Variants in SORCS2 observed in about 807,000 individuals in gnomAD.
SORCS2 encodes the protein sortilin related VPS10 domain containing receptor 2, also known as VPS10 domain-containing receptor SorCS2.
Under a neutral mutation model 141.6 loss-of-function variants are expected in SORCS2, and 100 were observed. That is an observed-to-expected ratio of 0.71 (90% confidence interval 0.60 to 0.83). The LOEUF (loss-of-function observed/expected upper bound fraction) is 0.83. Ranked by LOEUF, SORCS2 falls within the 40% of genes least tolerant of loss-of-function variation. SORCS2 has a pLI of 0.00. For missense variants in SORCS2, 1,646 were observed against 1,560.2 expected (o/e 1.05, Z -0.93); for synonymous variants, 789 against 676.9 (o/e 1.17, Z -2.57).
chr4:7,552,521 G>C (rs766240912), intron 3 of SORCS2, among the ~76,000 whole-genome samples: 13 of 151,996 alleles, frequency 8.6e-5, no homozygotes, highest in Non-Finnish European at 1.9e-4. Context: ...TGAAGGCAGA[G>C]CATAAAATAA....
intron 3 of SORCS2, among the ~76,000 whole-genome samples, chr4:7,544,109 C>T (rs930829726): frequency 2.9e-4 from 44 of 151,748 alleles, no homozygotes; most frequent in South Asian, 1.0e-3. Context: ...TGCATCCACC[C>T]ATCCATCCAC....
chr4:7,643,086 G>A (rs1481994237), intron 4 of SORCS2, among the ~76,000 whole-genome samples: 1 of 152,158 alleles, frequency 6.6e-6, no homozygotes. Flanking sequence ...CCTGCCTCCA[G>A]CAAACACCTA....
chr4:7,657,020 G>T (rs1282577730), intron 5 of SORCS2, among the ~76,000 whole-genome samples: 1 of 152,226 alleles, frequency 6.6e-6, no homozygotes, highest in African/African-American at 2.4e-5. Flanking sequence ...TGTCAGGCTT[G>T]CCATTTCCTG....
intron 2 of SORCS2, among the ~76,000 whole-genome samples, chr4:7,508,004 C>A (rs75757938): frequency 1.0e-5 from 1 of 99,496 alleles, no homozygotes; most frequent in Non-Finnish European, 2.1e-5. Context: ...AAAAACACTA[C>A]AAAAATCAGT....
intron 5 of SORCS2, among the ~76,000 whole-genome samples, chr4:7,658,747 T>C (rs1721962290): frequency 6.6e-6 from 1 of 152,144 alleles, no homozygotes; most frequent in African/African-American, 2.4e-5. Flanking sequence ...ACCTGGTCCC[T>C]GGAGAAGGTG....
intron 2 of SORCS2, chr4:7,430,888 A>G (rs926660075): frequency 5.3e-5 from 8 of 152,230 alleles, no homozygotes; most frequent in African/African-American, 1.9e-4. Flanking sequence ...TCAGTGCTGA[A>G]TGGTGGTGCT....
At chr4:7,416,579 T>C (rs979184040) in intron 2 of SORCS2, among the ~76,000 whole-genome samples, 3 of 151,266 alleles carry the variant, frequency 2.0e-5, no homozygotes, top group African/African-American at 4.9e-5. Flanking sequence ...CACACACACA[T>C]GCAGACACAT....
intron 2 of SORCS2, among the ~76,000 whole-genome samples, chr4:7,487,181 G>C (rs1731041041): frequency 6.6e-6 from 1 of 152,182 alleles, no homozygotes; most frequent in Non-Finnish European, 1.5e-5. Context: ...ACCCCTCCCT[G>C]CACCAAGAAG....
intron 1 of SORCS2, among the ~76,000 whole-genome samples, chr4:7,206,938 G>A (rs578172596): frequency 6.6e-6 from 1 of 152,184 alleles, no homozygotes; most frequent in Non-Finnish European, 1.5e-5. Flanking sequence ...GGCTTTCCCA[G>A]GGGAGAGCAG....
chr4:7,540,182 CTCCCTGCCCCT>C (rs1329419189), intron 3 of SORCS2, among the ~76,000 whole-genome samples: 7 of 122,290 alleles, frequency 5.7e-5, no homozygotes, highest in Admixed American at 5.4e-4. Flanking sequence ...CTCCCTGCCC[CTCCCTGCCCCT>C]CCCTGCCCCT....
chr4:7,337,514 G>C (rs2108980788), intron 1 of SORCS2, among the ~76,000 whole-genome samples: 1 of 152,262 alleles, frequency 6.6e-6, no homozygotes, highest in South Asian at 2.1e-4. Flanking sequence ...CACCGGCCCT[G>C]AGGGCAGCGG....
At chr4:7,339,102 C>T (rs1463506171) in intron 1 of SORCS2, among the ~76,000 whole-genome samples, 1 of 152,224 alleles carries the variant, frequency 6.6e-6, no homozygotes, top group Non-Finnish European at 1.5e-5. Flanking sequence ...TCGCCGTGGC[C>T]TGGATGTGAA....
At chr4:7,275,431 C>G (rs1014043126) in intron 1 of SORCS2, among the ~76,000 whole-genome samples, 8 of 152,094 alleles carry the variant, frequency 5.3e-5, no homozygotes, top group African/African-American at 1.9e-4. Context: ...GGGCTGGACA[C>G]TGGATGGTGC....
chr4:7,676,227 G>A lies in SORCS2; in HGVS notation c.1339G>A (p.Glu447Lys). Residue 447 changes from glutamate to lysine, a missense_variant and splice_region_variant, in exon 9 of 27, where the codon GAG becomes AAG. Glu to Lys is a moderately conservative substitution (Grantham distance 56). Transcript: ENST00000507866. ...AEESVLIDIL[E>K]VRGVKGVFLA... ...GGAGAGCGTGCTCATCGACATCCTG[G>A]AGGTGGGTCCAGGGTGGATGTGGGC... 1 of 1,550,458 alleles carries A rather than the reference G, an allele frequency of 6.4e-7. No individual in the cohort carries two copies. Among genetic ancestry groups the A allele is most frequent in the Non-Finnish European group, 8.7e-7 (1 of 1,146,954 alleles).
chr4:7,670,602 G>A (rs1209478887), intron 8 of SORCS2, among the ~76,000 whole-genome samples: 3 of 152,178 alleles, frequency 2.0e-5, no homozygotes, highest in Admixed American at 6.5e-5. Context: ...GCAACGACAC[G>A]GGCAGAACCC....
chr4:7,521,840 G>A (rs1294474703), intron 2 of SORCS2, among the ~76,000 whole-genome samples: 1 of 152,232 alleles, frequency 6.6e-6, no homozygotes, highest in African/African-American at 2.4e-5. Flanking sequence ...CCTTGCAGCT[G>A]CCAAGTGCAG....
At chr4:7,484,816 G>A (rs958990606) in intron 2 of SORCS2, among the ~76,000 whole-genome samples, 2 of 151,382 alleles carry the variant, frequency 1.3e-5, no homozygotes, top group African/African-American at 4.9e-5. Context: ...ACCCAGCCCC[G>A]CTCCTGTACC....
chr4:7,331,355 C>T (rs1192708820), intron 1 of SORCS2, among the ~76,000 whole-genome samples: 3 of 152,060 alleles, frequency 2.0e-5, no homozygotes, highest in East Asian at 1.9e-4. Flanking sequence ...CTTGGAGTCA[C>T]CCTACAGCAA....
At chr4:7,706,504 C>T (rs1725471503) in intron 14 of SORCS2, among the ~76,000 whole-genome samples, 1 of 140,786 alleles carries the variant, frequency 7.1e-6, no homozygotes, top group Admixed American at 7.0e-5. Context: ...TGGGCTCCGC[C>T]TGGGCAGGGA....
Sources: gnomAD v4.1 joint callset for allele counts (sites outside exome capture counted in the v4.1 genomes callset) on GRCh38, gnomAD v4.1.1 for gene constraint, MANE v1.5 for transcripts, NCBI Gene and HGNC (gene_info 2026-07-23, HGNC 2026-07-21) for gene names.